KDM4C: variants seen among roughly 807,000 people sequenced by gnomAD.
KDM4C encodes the protein lysine demethylase 4C, also known as lysine-specific demethylase 4C.
KDM4C carries 81 observed loss-of-function variants against 129.3 expected under a neutral mutation model. The ratio of observed to expected loss-of-function variants is 0.63; its 90% confidence interval spans 0.52 to 0.75. The LOEUF is 0.75. KDM4C is among the 30% of genes least tolerant of loss of function. The pLI, the probability that KDM4C is intolerant of heterozygous loss-of-function variation, is 0.00. For missense variants in KDM4C, 1,457 were observed against 1,304.0 expected (o/e 1.12, Z -1.81); for synonymous variants, 573 against 456.1 (o/e 1.26, Z -3.26).
chr9:7,145,271 G>A (rs1842114591), intron 19 of KDM4C, among the ~76,000 whole-genome samples: 1 of 152,172 alleles, frequency 6.6e-6, no homozygotes, highest in Admixed American at 6.5e-5. Flanking sequence ...CTATGCTTTG[G>A]TGAAGGAGGA....
intron 1 of KDM4C, among the ~76,000 whole-genome samples, chr9:6,773,380 ATTG>A (rs1822308349): frequency 6.6e-6 from 1 of 152,148 alleles, no homozygotes; most frequent in South Asian, 2.1e-4. Context: ...TGCCAGTGTC[ATTG>A]TTGATGTTAT....
intron 15 of KDM4C, among the ~76,000 whole-genome samples, chr9:7,036,521 A>G (rs1474825487): frequency 6.6e-6 from 1 of 152,164 alleles, no homozygotes; most frequent in Admixed American, 6.5e-5. Context: ...TTTTCATAGC[A>G]TTGTAAACAA....
intron 4 of KDM4C, chr9:6,834,668 G>A (rs960394479): frequency 1.5e-5 from 12 of 810,708 alleles, no homozygotes; most frequent in East Asian, 1.2e-4. Context: ...GTGCCTCATC[G>A]AGCATGGCAT....
chr9:6,942,800 T>C (rs998184815), intron 8 of KDM4C, among the ~76,000 whole-genome samples: 3 of 152,202 alleles, frequency 2.0e-5, no homozygotes, highest in African/African-American at 7.2e-5. Context: ...TCAAGGAATA[T>C]AGAAGGAAGC....
intron 21 of KDM4C, among the ~76,000 whole-genome samples, chr9:7,172,180 A>G (rs1004141951): frequency 1.3e-5 from 2 of 152,216 alleles, no homozygotes; most frequent in African/African-American, 2.4e-5. Flanking sequence ...GATGGAGGTT[A>G]GCCGCCCTTG....
intron 8 of KDM4C, among the ~76,000 whole-genome samples, chr9:6,909,403 G>A (rs1818876480): frequency 1.3e-5 from 2 of 152,132 alleles, no homozygotes; most frequent in African/African-American, 4.8e-5. Flanking sequence ...CATTAATCTG[G>A]GTGTGTGATG....
intron 1 of KDM4C, among the ~76,000 whole-genome samples, chr9:6,734,189 T>A (rs1454150160): frequency 1.3e-5 from 2 of 151,726 alleles, no homozygotes; most frequent in East Asian, 1.9e-4. Flanking sequence ...AGTGATTAAA[T>A]GCAGCTGTCC....
intron 19 of KDM4C, among the ~76,000 whole-genome samples, chr9:7,147,475 C>G (rs1842321434): frequency 6.6e-6 from 1 of 152,222 alleles, no homozygotes; most frequent in African/African-American, 2.4e-5. Flanking sequence ...CCAAGCCTGT[C>G]TTTCTCCATT....
chr9:7,086,204 A>T (rs1835099102), intron 17 of KDM4C, among the ~76,000 whole-genome samples: 1 of 152,180 alleles, frequency 6.6e-6, no homozygotes, highest in South Asian at 2.1e-4. Context: ...TTGATCCTAG[A>T]GCAAACAGGA....
chr9:6,722,608 G>A (rs1012808606), intron 1 of KDM4C, among the ~76,000 whole-genome samples: 1 of 151,714 alleles, frequency 6.6e-6, no homozygotes, highest in Non-Finnish European at 1.5e-5. Flanking sequence ...CTGCCTCCCA[G>A]GTTCAAGTGA....
chr9:6,757,928 C>CG (rs202022342), upstream of KDM4C: 60 of 985,378 alleles, frequency 6.1e-5, no homozygotes, highest in East Asian at 6.1e-3. Context: ...TCACCAAGTG[C>CG]GGGCCCCAGC....
intron 8 of KDM4C, among the ~76,000 whole-genome samples, chr9:6,899,689 A>T (rs1238140943): frequency 2.0e-5 from 3 of 152,186 alleles, no homozygotes; most frequent in Non-Finnish European, 2.9e-5. Flanking sequence ...TACTGAAAAA[A>T]TATTGAGTTG....
chr9:6,963,122 T>C (rs1830304558), intron 8 of KDM4C, among the ~76,000 whole-genome samples: 1 of 152,222 alleles, frequency 6.6e-6, no homozygotes, highest in African/African-American at 2.4e-5. Flanking sequence ...ATAATAATTA[T>C]GCCAACCTCT....
chr9:6,793,809 CG>C (rs1827224220), intron 2 of KDM4C, among the ~76,000 whole-genome samples: 1 of 151,948 alleles, frequency 6.6e-6, no homozygotes, highest in Non-Finnish European at 1.5e-5. Flanking sequence ...TCCCAAAGTG[CG>C]GGGATTAAAG....
At chr9:7,157,878 T>A (rs1253243348) in intron 19 of KDM4C, among the ~76,000 whole-genome samples, 3 of 152,196 alleles carry the variant, frequency 2.0e-5, no homozygotes, top group Non-Finnish European at 4.4e-5. Context: ...ATAAAATGAG[T>A]TAGGGAGGAG....
intron 8 of KDM4C, among the ~76,000 whole-genome samples, chr9:6,940,275 G>T (rs1825709579): frequency 6.6e-6 from 1 of 152,032 alleles, no homozygotes; most frequent in African/African-American, 2.4e-5. Flanking sequence ...ATTTTTTGTA[G>T]AGAGGGAGTT....
Position 6,737,379 on chromosome 9 carries a change from G to A in KDM4C, c.49+16382G>A, listed in dbSNP as rs114134864. On this transcript the variant is annotated intron_variant, in intron 1 of 17. Transcript: ENST00000536108. ...CCCATTAAAAAAGTGAGCAAAGGAC[G>A]GTCAGGTGCAGTGGCTCATGCCTGT... Among the ~76,000 whole-genome samples, 1,434 of 150,016 alleles carry A rather than the reference G, an allele frequency of 9.6e-3. 21 individuals carry two copies. Among genetic ancestry groups the A allele is most frequent in the African/African-American group, 0.033 (1,352 of 40,766 alleles).
intron 4 of KDM4C, among the ~76,000 whole-genome samples, chr9:6,848,959 A>G (rs533238024): frequency 6.6e-6 from 1 of 152,342 alleles, no homozygotes; most frequent in African/African-American, 2.4e-5. Context: ...TCCAATAATT[A>G]GAGTGGAACT....
chr9:6,781,650 A>T (rs1468288516), intron 1 of KDM4C, among the ~76,000 whole-genome samples: 2 of 152,100 alleles, frequency 1.3e-5, no homozygotes, highest in African/African-American at 2.4e-5. Flanking sequence ...CACTAAATAG[A>T]CCATAGAATG....
Sources: gnomAD v4.1 joint callset for allele counts (sites outside exome capture counted in the v4.1 genomes callset) on GRCh38, gnomAD v4.1.1 for gene constraint, MANE v1.5 for transcripts, NCBI Gene and HGNC (gene_info 2026-07-23, HGNC 2026-07-21) for gene names.